Variants in PTPRM observed in about 807,000 individuals in gnomAD.
PTPRM encodes protein tyrosine phosphatase receptor type M, also known as receptor-type tyrosine-protein phosphatase mu.
In PTPRM, 47 loss-of-function variants were observed where a neutral mutation model predicts 186.7. The ratio of observed to expected loss-of-function variants is 0.25; its 90% CI spans 0.20 to 0.32. The LOEUF is 0.32. Among genes scored for constraint, PTPRM ranks in the 10% least tolerant of loss-of-function variants. The pLI is 1.00. For missense variants in PTPRM, 1,494 were observed against 1,865.0 expected (o/e 0.80, Z 3.66); for synonymous variants, 668 against 674.9 (o/e 0.99, Z 0.16).
At chr18:7,576,404 A>C (rs943852404) in intron 1 of PTPRM, among the ~76,000 whole-genome samples, 15 of 152,300 alleles carry the variant, frequency 9.8e-5, no homozygotes, top group Middle Eastern at 6.8e-3. Flanking sequence ...ATGGGCTCAC[A>C]GGTAACAGGT....
intron 1 of PTPRM, among the ~76,000 whole-genome samples, chr18:7,585,948 G>A (rs910788037): frequency 6.6e-6 from 1 of 152,162 alleles, no homozygotes; most frequent in Non-Finnish European, 1.5e-5. Context: ...CACCACAAAA[G>A]AACAGCTGAT....
At chr18:7,686,552 A>T (rs1319355083) in intron 1 of PTPRM, among the ~76,000 whole-genome samples, 1 of 150,604 alleles carries the variant, frequency 6.6e-6, no homozygotes, top group African/African-American at 2.5e-5. Context: ...TTAGCATATC[A>T]TGATGAAAAC....
At chr18:8,358,871 G>A (rs60662010) in intron 23 of PTPRM, among the ~76,000 whole-genome samples, 2,281 of 152,272 alleles carry the variant, frequency 0.015, 62 homozygotes, top group African/African-American at 0.05. Context: ...GAGTGCATAC[G>A]AAGGGAATTT....
At chr18:7,927,456 C>A (rs77262602) in intron 5 of PTPRM, among the ~76,000 whole-genome samples, 1 of 145,774 alleles carries the variant, frequency 6.9e-6, no homozygotes, top group African/African-American at 2.6e-5. Context: ...CTTATCTTTC[C>A]GTGTTTTGTG....
intron 2 of PTPRM, among the ~76,000 whole-genome samples, chr18:7,869,284 C>T (rs1440816264): frequency 2.0e-5 from 3 of 152,170 alleles, no homozygotes; most frequent in Admixed American, 6.5e-5. Flanking sequence ...TCTGCCCAAA[C>T]AGCTGCCCAA....
At chr18:8,148,549 T>C (rs1176773534) in intron 14 of PTPRM, among the ~76,000 whole-genome samples, 9 of 152,182 alleles carry the variant, frequency 5.9e-5, no homozygotes, top group African/African-American at 2.2e-4. Flanking sequence ...TTTTCTTCGT[T>C]ATTAGTCTGG....
chr18:7,875,528 A>G (rs1599217037), intron 2 of PTPRM, among the ~76,000 whole-genome samples: 1 of 151,848 alleles, frequency 6.6e-6, no homozygotes, highest in Non-Finnish European at 1.5e-5. Context: ...GTTTCACCAT[A>G]TTGGCCAGGC....
At chr18:8,402,004 A>G (rs2095874912) in intron 32 of PTPRM, among the ~76,000 whole-genome samples, 1 of 152,178 alleles carries the variant, frequency 6.6e-6, no homozygotes, top group South Asian at 2.1e-4. Flanking sequence ...GAAGCCAGCT[A>G]ATGTCACCCA....
intron 7 of PTPRM, among the ~76,000 whole-genome samples, chr18:8,057,425 C>CTTTTTTTTTTTTTTTTTTTTTATTTTTT (rs2088072606): frequency 9.8e-6 from 1 of 102,562 alleles, no homozygotes; most frequent in African/African-American, 4.3e-5. Context: ...TGTGATACTT[C>CTTTTTTTTTTTTTTTTTTTTTATTTTTT]TTTTTTTTTT....
chr18:7,610,282 C>G (rs764498080), intron 1 of PTPRM, among the ~76,000 whole-genome samples: 1 of 152,130 alleles, frequency 6.6e-6, no homozygotes, highest in Non-Finnish European at 1.5e-5. Flanking sequence ...TGTGATTATT[C>G]TCAGCCAACA....
chr18:7,594,774 A>C (rs1162828952), intron 1 of PTPRM, among the ~76,000 whole-genome samples: 1 of 152,176 alleles, frequency 6.6e-6, no homozygotes, highest in Non-Finnish European at 1.5e-5. Flanking sequence ...GTGCTTTTTA[A>C]AAATCTGGTC....
At chr18:7,830,665 T>C (rs1038076761) in intron 2 of PTPRM, among the ~76,000 whole-genome samples, 1 of 152,076 alleles carries the variant, frequency 6.6e-6, no homozygotes, top group Non-Finnish European at 1.5e-5. Context: ...GGAGGAGATA[T>C]GTTCTATTTC....
chr18:8,025,045 T>A (rs1202110392), intron 7 of PTPRM, among the ~76,000 whole-genome samples: 1 of 152,150 alleles, frequency 6.6e-6, no homozygotes, highest in Non-Finnish European at 1.5e-5. Flanking sequence ...GCGGTAGAAG[T>A]GGTGCCTTCC....
chr18:7,608,553 G>A (rs749993535), intron 1 of PTPRM, among the ~76,000 whole-genome samples: 8 of 152,016 alleles, frequency 5.3e-5, no homozygotes, highest in Non-Finnish European at 8.8e-5. Flanking sequence ...GAGGCACCTG[G>A]CTCCTTTTCA....
chr18:8,355,486 C>G (rs1456097991), intron 23 of PTPRM, among the ~76,000 whole-genome samples: 1 of 152,078 alleles, frequency 6.6e-6, no homozygotes, highest in Non-Finnish European at 1.5e-5. Context: ...GAGGCCTTGT[C>G]ATGGATATAC....
rs377050800 is a variant in PTPRM, at chr18:8,069,710, T to A, written c.1157T>A (p.Leu386Gln). 1 of 1,613,326 alleles carries A rather than the reference T, an allele frequency of 6.2e-7. No individual in the cohort carries two copies. The highest frequency in any genetic ancestry group is 8.5e-7 in the Non-Finnish European group (1 of 1,179,294). ...CADPMRGPRK[L>Q]EVVEVKSRQI... ...GATCCCATGCGAGGCCCAAGAAAACTAGAAGTAGTGGAGGTCAAATCTCGG... is the reference window on the plus strand; with the variant it reads ...GATCCCATGCGAGGCCCAAGAAAACAAGAAGTAGTGGAGGTCAAATCTCGG... Residue 386 changes from leucine to glutamine, a missense_variant, in exon 8 of 33, where the codon CTA becomes CAA. Leu to Gln is a moderately radical substitution (Grantham distance 113). Transcript: ENST00000580170.
chr18:7,773,877 G>T (rs2042455646), intron 1 of PTPRM, among the ~76,000 whole-genome samples: 1 of 152,170 alleles, frequency 6.6e-6, no homozygotes, highest in African/African-American at 2.4e-5. Context: ...ACCATGCCCG[G>T]CCAGATCTTA....
At chr18:7,919,078 C>A (rs1429437238) in intron 4 of PTPRM, among the ~76,000 whole-genome samples, 13 of 152,064 alleles carry the variant, frequency 8.5e-5, no homozygotes, top group Non-Finnish European at 1.5e-5. Flanking sequence ...ACTCTTAGCA[C>A]CTTTGTCAAA....
chr18:7,630,397 C>G (rs1006538711), intron 1 of PTPRM, among the ~76,000 whole-genome samples: 3 of 152,108 alleles, frequency 2.0e-5, no homozygotes, highest in African/African-American at 7.2e-5. Context: ...CTGGATGTCC[C>G]TGTGACTTCA....
Sources: gnomAD v4.1 joint callset for allele counts (sites outside exome capture counted in the v4.1 genomes callset) on GRCh38, gnomAD v4.1.1 for gene constraint, MANE v1.5 for transcripts, NCBI Gene and HGNC (gene_info 2026-07-23, HGNC 2026-07-21) for gene names.